Variants in MED13L observed in about 807,000 individuals in gnomAD.
MED13L encodes mediator complex subunit 13L, also known as mediator of RNA polymerase II transcription subunit 13-like.
A neutral mutation model predicts 220.9 loss-of-function variants in MED13L; 7 were observed. That is an observed-to-expected ratio of 0.03 (90% confidence interval 0.02 to 0.06). The LOEUF (loss-of-function observed/expected upper bound fraction) is 0.06, where lower values mean the gene tolerates loss of function less well. MED13L is among the 10% of genes least tolerant of loss of function. MED13L has a pLI of 1.00. For missense variants in MED13L, 1,965 were observed against 2,760.5 expected (o/e 0.71, Z 6.46); for synonymous variants, 1,011 against 1,015.2 (o/e 1.00, Z 0.08).
chr12:116,277,023 C>G, intron 1 of MED13L, 37 bp downstream of exon 1: 1 of 1,345,884 alleles, frequency 7.4e-7, no homozygotes, highest in Middle Eastern at 2.2e-4. Flanking sequence ...CCCCCCCTTC[C>G]CCGGCACAGC....
intron 1 of MED13L, among the ~76,000 whole-genome samples, chr12:116,243,135 A>G (rs1870800746): frequency 6.6e-6 from 1 of 152,056 alleles, no homozygotes; most frequent in African/African-American, 2.4e-5. Context: ...GTATCTACAT[A>G]AACTAATTCT....
At chr12:116,269,725 A>C (rs1873128373) in intron 1 of MED13L, among the ~76,000 whole-genome samples, 1 of 152,218 alleles carries the variant, frequency 6.6e-6, no homozygotes, top group African/African-American at 2.4e-5. Flanking sequence ...GAAAAATAGT[A>C]CAAAATGTAG....
intron 4 of MED13L, among the ~76,000 whole-genome samples, chr12:116,074,648 A>C (rs892571338): frequency 2.0e-5 from 3 of 152,228 alleles, no homozygotes; most frequent in Non-Finnish European, 4.4e-5. Flanking sequence ...GCAAACCTTC[A>C]AGAGGCAGAG....
intron 4 of MED13L, among the ~76,000 whole-genome samples, chr12:116,068,997 T>G (rs940096509): frequency 2.0e-5 from 3 of 152,140 alleles, no homozygotes; most frequent in African/African-American, 7.2e-5. Flanking sequence ...GCCATGAGAA[T>G]GATAAAGGCA....
chr12:116,099,225 G>A (rs535049416), intron 3 of MED13L, among the ~76,000 whole-genome samples: 1 of 152,266 alleles, frequency 6.6e-6, no homozygotes, highest in African/African-American at 2.4e-5. Context: ...TTAATAATTA[G>A]CATATACCAA....
chr12:116,027,351 G>C (rs1462522903), intron 4 of MED13L, among the ~76,000 whole-genome samples: 3 of 152,162 alleles, frequency 2.0e-5, no homozygotes, highest in Non-Finnish European at 4.4e-5. Flanking sequence ...GAGCCTTTGA[G>C]GTTGAGGTGG....
chr12:116,156,747 G>A (rs377236514), intron 2 of MED13L, among the ~76,000 whole-genome samples: 2 of 152,082 alleles, frequency 1.3e-5, no homozygotes, highest in African/African-American at 4.8e-5. Context: ...TAACAAGTAC[G>A]GACTTCTTAT....
chr12:116,074,720 T>C (rs1009162901), intron 4 of MED13L, among the ~76,000 whole-genome samples: 16 of 152,336 alleles, frequency 1.1e-4, no homozygotes, highest in East Asian at 3.9e-4. Flanking sequence ...TTCAAATTGA[T>C]TGGACACACC....
At chr12:116,196,065 T>C (rs952212560) in intron 2 of MED13L, among the ~76,000 whole-genome samples, 2 of 151,988 alleles carry the variant, frequency 1.3e-5, no homozygotes, top group African/African-American at 4.8e-5. Context: ...AATGATATAT[T>C]TAACAGCAGT....
intron 4 of MED13L, among the ~76,000 whole-genome samples, chr12:116,073,493 G>C (rs189929162): frequency 3.3e-5 from 5 of 152,218 alleles, no homozygotes; most frequent in East Asian, 1.9e-4. Context: ...ACTGAAAGAA[G>C]AACAAGAACT....
chr12:116,184,902 T>G (rs990335212), intron 2 of MED13L, among the ~76,000 whole-genome samples: 1 of 152,170 alleles, frequency 6.6e-6, no homozygotes, highest in African/African-American at 2.4e-5. Flanking sequence ...AATAGTATTG[T>G]GCATGGTGGT....
chr12:116,060,014 T>C (rs1360203025), intron 4 of MED13L, among the ~76,000 whole-genome samples: 1 of 152,182 alleles, frequency 6.6e-6, no homozygotes, highest in Non-Finnish European at 1.5e-5. Flanking sequence ...CTTTGTCTTT[T>C]CTACACTGCA....
chr12:116,259,759 C>A (rs1252143451), intron 1 of MED13L, among the ~76,000 whole-genome samples: 2 of 152,094 alleles, frequency 1.3e-5, no homozygotes, highest in East Asian at 3.9e-4. Context: ...ACAAATTAAA[C>A]CTCTGGAAGT....
rs2137404936 is a variant in MED13L at position 116,012,891 on chromosome 12, T to C, written c.1186A>G (p.Met396Val). ...LNRTQSKRSQMSTPTLEEEPA... is the reference protein window; with the variant it reads ...LNRTQSKRSQVSTPTLEEEPA... ...TCTTCTTCAAGAGTTGGAGTTGACA[T>C]TTGGCTCCTCCTAAAAGGGTTAAAA... Residue 396 changes from methionine (M) to valine (V), a missense_variant, in exon 9 of 31, where the codon ATG (methionine) becomes GTG (valine). Met to Val is a conservative substitution (Grantham distance 21). Around this residue, in one of 10 missense-constraint regions of MED13L, gnomAD observed 818 missense variants for 1,041.2 expected, o/e 0.79. Transcript: ENST00000281928. 1 of 1,613,234 alleles carries C rather than the reference T, an allele frequency of 6.2e-7. No homozygotes were observed. Among genetic ancestry groups the C allele is most frequent in the South Asian group, 1.1e-5 (1 of 91,064 alleles).
intron 2 of MED13L, chr12:116,236,965 C>G (rs1870137288): frequency 5.2e-6 from 3 of 581,938 alleles, no homozygotes; most frequent in Non-Finnish European, 4.3e-6. Flanking sequence ...CAGACCAGAT[C>G]CCATATATTC....
intron 14 of MED13L, among the ~76,000 whole-genome samples, chr12:115,999,160 C>G (rs1176492470): frequency 6.6e-6 from 1 of 152,124 alleles, no homozygotes; most frequent in Admixed American, 6.5e-5. Flanking sequence ...CACCTATAAT[C>G]CCAGTACTTT....
At chr12:116,221,054 G>A (rs182851949) in intron 2 of MED13L, among the ~76,000 whole-genome samples, 31 of 152,128 alleles carry the variant, frequency 2.0e-4, no homozygotes, top group Admixed American at 7.2e-4. Flanking sequence ...ATAAAAATGA[G>A]TTTAATAAAC....
intron 3 of MED13L, chr12:116,110,237 A>G (rs774438195): frequency 6.6e-6 from 1 of 152,170 alleles, no homozygotes; most frequent in Non-Finnish European, 1.5e-5. Context: ...GAGCCATCAC[A>G]AAGGGGCTTC....
intron 4 of MED13L, among the ~76,000 whole-genome samples, chr12:116,086,466 G>A (rs1871703103): frequency 6.6e-6 from 1 of 151,884 alleles, no homozygotes; most frequent in South Asian, 2.1e-4. Context: ...ATTTTTAGTA[G>A]AGACGGAGTT....
Sources: allele counts gnomAD v4.1 joint callset (sites outside exome capture counted in the v4.1 genomes callset), GRCh38; gene constraint gnomAD v4.1.1; regional missense constraint gnomAD v4.1.1; transcripts MANE v1.5; gene names NCBI Gene and HGNC (gene_info 2026-07-23, HGNC 2026-07-21).